Variants in DDX54 observed in about 807,000 individuals in gnomAD.
DDX54 encodes the protein DEAD-box helicase 54, also known as ATP-dependent RNA helicase DDX54.
Under a neutral mutation model 105.5 loss-of-function variants are expected in DDX54, and 67 were observed. That is an observed-to-expected ratio of 0.64 (90% CI 0.52 to 0.78). The LOEUF (loss-of-function observed/expected upper bound fraction) is 0.78, where lower values mean the gene tolerates loss of function less well. Among genes scored for constraint, DDX54 ranks in the 30% least tolerant of loss-of-function variants. The probability of loss-of-function intolerance (pLI) is 0.00; values close to 1 mark genes in which losing one functional copy is unlikely to be tolerated. For missense variants in DDX54, 1,206 were observed against 1,230.5 expected (o/e 0.98, Z 0.30); for synonymous variants, 514 against 509.9 (o/e 1.01, Z -0.11).
chr12:113,169,086 G>C (rs1325808216), intron 12 of DDX54, among the ~76,000 whole-genome samples: 1 of 152,076 alleles, frequency 6.6e-6, no homozygotes, highest in African/African-American at 2.4e-5. Context: ...AGGGGAGGCA[G>C]GCAGGGGCTG....
At chr12:113,169,700 C>A in intron 12 of DDX54, 70 bp downstream of exon 12, 3 of 1,554,156 alleles carry the variant, frequency 1.9e-6, no homozygotes, top group Non-Finnish European at 2.6e-6. Context: ...CCAGCCCTAC[C>A]TCCTCCCACA....
At chr12:113,184,117 T>G (rs1220753457) in intron 1 of DDX54, among the ~76,000 whole-genome samples, 1 of 152,162 alleles carries the variant, frequency 6.6e-6, no homozygotes, top group Non-Finnish European at 1.5e-5. Context: ...TGGCTATTTT[T>G]GTATTTTTAG....
intron 17 of DDX54, 90 bp from the exon 18 acceptor site, chr12:113,162,087 CTT>C (rs1331152257): frequency 6.6e-6 from 8 of 1,221,098 alleles, no homozygotes; most frequent in Non-Finnish European, 9.6e-6. Context: ...ACCCGACCCT[CTT>C]GTCAGGTTGT....
chr12:113,170,196 G>A (rs1200392667), intron 11 of DDX54, among the ~76,000 whole-genome samples: 2 of 152,234 alleles, frequency 1.3e-5, no homozygotes, highest in African/African-American at 4.8e-5. Context: ...CCGCAAAGAT[G>A]TAAAGATTCA....
Position 113,169,869 on chromosome 12 carries a change from A to T in DDX54, c.1315T>A (p.Tyr439Asn). The T allele has an allele frequency of 6.2e-7, 1 of 1,613,932 alleles. No individual in the cohort carries two copies. The highest frequency in any genetic ancestry group is 8.5e-7 in the Non-Finnish European group (1 of 1,180,024). Residue 439 changes from tyrosine to asparagine, a missense_variant, in exon 12 of 20, where the codon TAC (tyrosine) becomes AAC (asparagine). Coordinates refer to ENST00000306014, the MANE Select transcript of DDX54 (RefSeq NM_024072.4). ...VARAGRSGTA[Y>N]SLVAPDEIPY... ...ATTTCATCAGGGGCCACCAAGGAGT[A>T]GGCTGTGCCACTTCGGCCAGCCCGA...
In DDX54 at chr12:113,181,005, A is replaced by G; in HGVS notation, c.228T>C (p.Asp76=). The stretch of plus-strand genomic sequence containing the variant: ...CCATCTCCCGGGTGTCCGGCTCCAC[A>G]TCCGAGGTGCATTCCGAGGTGGGGA... ...PTFPTSECTS[D]VEPDTREMVR... The change falls in exon 2 of 20, where the codon GAT becomes GAC. Residue 76 remains aspartate (D), a synonymous_variant. Coordinates refer to ENST00000306014, the MANE Select transcript of DDX54 (RefSeq NM_024072.4). 6.2e-7 allele frequency: 1 copy of G among 1,613,460 alleles called. No homozygotes were observed.
At position 113,179,033 on chromosome 12, in the gene DDX54, A is replaced by T. The variant is rs377372683; in HGVS notation, c.565-7T>A. ...GGCCAGTGAACTTGCCTAGCTGAGA[A>T]GAGAAAGTGATTGAGAGAGGGCAGG... is the stretch of plus-strand genomic sequence containing the variant. On this transcript the variant is annotated splice_polypyrimidine_tract_variant and splice_region_variant and intron_variant, in intron 4 of 19. Transcript: ENST00000306014. The T allele has an allele frequency of 6.2e-7, 1 of 1,613,948 alleles. No homozygotes were observed. Among genetic ancestry groups the T allele is most frequent in the Non-Finnish European group, 8.5e-7 (1 of 1,180,010 alleles).
chr12:113,163,198 T>G lies in DDX54; in HGVS notation c.2015A>C (p.Glu672Ala). 6.2e-7 allele frequency: 1 copy of G among 1,612,514 alleles called. No homozygotes were observed. The highest frequency in any genetic ancestry group is 8.5e-7 in the Non-Finnish European group (1 of 1,179,980). Residue 672 changes from glutamate (E) to alanine (A), a missense_variant, in exon 16 of 20, where the codon GAG becomes GCG. Around this residue, in one of 3 missense-constraint regions of DDX54, gnomAD observed 961 missense variants for 1,019.1 expected, o/e 0.94. Coordinates refer to ENST00000306014, the MANE Select transcript of DDX54 (RefSeq NM_024072.4). The surrounding 1 kb of genome is among the most constrained non-coding windows in gnomAD (Gnocchi z 5.9). ...GAATTCCTGGTCCCGCTGCCGGGCC[T>G]CCTCCCTCCGCCTCTTGGCTCCCCT... ...PNRGAKRRRE[E>A]ARQRDQEFYI...
intron 12 of DDX54, among the ~76,000 whole-genome samples, chr12:113,167,106 G>C (rs1246793329): frequency 1.3e-5 from 2 of 152,052 alleles, no homozygotes; most frequent in East Asian, 3.9e-4. Context: ...AGCCAAGCAT[G>C]GTGGCTCACA....
intron 2 of DDX54, 56 bp downstream of exon 2, chr12:113,180,873 G>A (rs1033995658): frequency 1.1e-5 from 17 of 1,607,812 alleles, no homozygotes; most frequent in East Asian, 4.5e-5. Flanking sequence ...GTGCAGAGGC[G>A]GGGTTGACCT....
intron 5 of DDX54, chr12:113,178,545 CTT>C (rs886765741): frequency 4.0e-4 from 58 of 143,406 alleles, no homozygotes; most frequent in Admixed American, 5.5e-4. Flanking sequence ...TTTGTTTTTT[CTT>C]TTTTTTTTTT....
At chr12:113,176,562 A>G (rs1420005312) in intron 7 of DDX54, among the ~76,000 whole-genome samples, 1 of 152,164 alleles carries the variant, frequency 6.6e-6, no homozygotes, top group Non-Finnish European at 1.5e-5. Flanking sequence ...GCAAGACTCT[A>G]TCTCATAAAT....
chr12:113,165,812 G>A lies in DDX54; in HGVS notation c.1635C>T (p.His545=), dbSNP rs1952265931. The change falls in exon 13 of 20, where the codon CAC becomes CAT. Residue 545 remains histidine, a synonymous_variant. Transcript: ENST00000306014. ...TGTAGAAGGACTCACTGAAGAGGGG[G>A]TGCAGGCCCAGCCCCACAAGGTCCA... The part of the protein sequence containing the change: ...KEMDLVGLGL[H]PLFSSRFEEE... 1.9e-6 allele frequency: 3 copies of A among 1,604,992 alleles called. No individual in the cohort carries two copies. The highest frequency in any genetic ancestry group is 4.5e-5 in the East Asian group (2 of 44,676).
Position 113,163,185 on chromosome 12 carries a change from C to T in DDX54, c.2028G>A (p.Arg676=). ...GGTAGGGGATGTAGAATTCCTGGTCCCGCTGCCGGGCCTCCTCCCTCCGCC... is the reference window on the plus strand; with the variant it reads ...GGTAGGGGATGTAGAATTCCTGGTCTCGCTGCCGGGCCTCCTCCCTCCGCC... ...AKRRREEARQ[R]DQEFYIPYRP... Residue 676 remains arginine (R), a synonymous_variant, in exon 16 of 20, where the codon CGG becomes CGA. Coordinates refer to ENST00000306014, the MANE Select transcript of DDX54 (RefSeq NM_024072.4). The surrounding 1 kb of genome is among the most constrained non-coding windows in gnomAD (Gnocchi z 5.9). 1 of 1,612,846 alleles carries T rather than the reference C, an allele frequency of 6.2e-7. No homozygotes were observed. Among genetic ancestry groups the T allele is most frequent in the Non-Finnish European group, 8.5e-7 (1 of 1,179,992 alleles).
At chr12:113,174,619 C>T in intron 10 of DDX54, 21 bp downstream of exon 10, 1 of 1,606,066 alleles carries the variant, frequency 6.2e-7, no homozygotes, top group Non-Finnish European at 8.5e-7. Context: ...AGGTGCTCCT[C>T]CCACTCAGGA....
At chr12:113,171,326 G>A (rs550841375) in intron 11 of DDX54, among the ~76,000 whole-genome samples, 1 of 152,190 alleles carries the variant, frequency 6.6e-6, no homozygotes, top group Non-Finnish European at 1.5e-5. Context: ...CTGGGGCCAA[G>A]CATGGTGGCT....
At chr12:113,164,019 C>A in intron 15 of DDX54, 48 bp downstream of exon 15, 1 of 1,511,390 alleles carries the variant, frequency 6.6e-7, no homozygotes, top group Non-Finnish European at 8.9e-7. Flanking sequence ...GACTTAGCCA[C>A]CCCTTCCCCA....
At chr12:113,166,328 A>G (rs1952275482) in intron 12 of DDX54, among the ~76,000 whole-genome samples, 1 of 152,096 alleles carries the variant, frequency 6.6e-6, no homozygotes, top group Non-Finnish European at 1.5e-5. Flanking sequence ...TTTTTGCACT[A>G]CAAGGCCAGG....
At chr12:113,160,325 A>C (rs1007881363) in intron 19 of DDX54, among the ~76,000 whole-genome samples, 1 of 152,060 alleles carries the variant, frequency 6.6e-6, no homozygotes, top group Non-Finnish European at 1.5e-5. Flanking sequence ...GACCCAAGAC[A>C]TGGTCCCAAA....
Sources: allele counts gnomAD v4.1 joint callset (sites outside exome capture counted in the v4.1 genomes callset), GRCh38; gene constraint gnomAD v4.1.1; regional missense constraint gnomAD v4.1.1; non-coding constraint Gnocchi (gnomAD v3.1); transcripts MANE v1.5; gene names NCBI Gene and HGNC (gene_info 2026-07-23, HGNC 2026-07-21).